Variants in RPS6KA2 observed in about 807,000 individuals in gnomAD.
The protein encoded by RPS6KA2 is ribosomal protein S6 kinase A2.
Under a neutral mutation model 91.8 loss-of-function variants are expected in RPS6KA2, and 42 were observed. The ratio of observed to expected loss-of-function variants is 0.46; its 90% CI spans 0.36 to 0.59. The LOEUF (loss-of-function observed/expected upper bound fraction) is 0.59. Ranked by LOEUF, RPS6KA2 falls within the 20% of genes least tolerant of loss-of-function variation. RPS6KA2 has a pLI of 0.00. For missense variants in RPS6KA2, 798 were observed against 978.5 expected, an observed-to-expected ratio of 0.82 and a Z score of 2.46; for synonymous variants, 414 against 393.6, an observed-to-expected ratio of 1.05 and a Z score of -0.61.
chr6:166,454,518 A>C, intron 12 of RPS6KA2, among the ~76,000 whole-genome samples: 1 of 152,170 alleles, frequency 6.6e-6, no homozygotes, highest in East Asian at 1.9e-4. Context: ...AAACAAAAAA[A>C]CAAGCAAACG....
chr6:166,835,685 T>A (rs1018264207), intron 2 of RPS6KA2, among the ~76,000 whole-genome samples: 1 of 152,262 alleles, frequency 6.6e-6, no homozygotes, highest in African/African-American at 2.4e-5. Flanking sequence ...TAATGTTGTA[T>A]GAAAATAAAT....
chr6:166,665,783 A>G lies in RPS6KA2; in HGVS notation c.124-126999T>C, dbSNP rs1331976563. The stretch of plus-strand genomic sequence containing the variant: ...GTTTTGGGGAGAAACTTGGTTGTTC[A>G]TGTCACGGAGAAGGAAGCCGAGTGA... On this transcript the variant is annotated intron_variant, in intron 2 of 21. Coordinates refer to the RPS6KA2 transcript ENST00000503859. This position sits in a 1 kb window ranked among gnomAD's most constrained non-coding sequence, Gnocchi z 4.5. Among the ~76,000 whole-genome samples, 1 of 152,168 alleles carries G rather than the reference A, an allele frequency of 6.6e-6. No individual in the cohort carries two copies. The highest frequency in any genetic ancestry group is 1.5e-5 in the Non-Finnish European group (1 of 68,030).
Position 166,859,764 on chromosome 6 carries a change from G to C in RPS6KA2, c.64-1505C>G, listed in dbSNP as rs188702074. Among the ~76,000 whole-genome samples the C allele has an allele frequency of 2.0e-5, 3 of 152,318 alleles. No homozygotes were observed. In the East Asian group the frequency reaches 5.8e-4, roughly 29 times the overall value. On this transcript the variant is annotated intron_variant, in intron 1 of 21. Transcript: ENST00000503859. Reference sequence around the variant, plus strand: ...AGAAAACAGGCCAGAAAGGATAGCAGCTTGAAAAGGTGGTTAGAGCAAAAC... The same window carrying C: ...AGAAAACAGGCCAGAAAGGATAGCACCTTGAAAAGGTGGTTAGAGCAAAAC...
At chr6:166,708,691 C>T (rs1003423421) in intron 2 of RPS6KA2, among the ~76,000 whole-genome samples, 5 of 152,206 alleles carry the variant, frequency 3.3e-5, no homozygotes, top group Admixed American at 6.5e-5. Flanking sequence ...GCTAAACAGG[C>T]TTTACCAGTA....
intron 2 of RPS6KA2, among the ~76,000 whole-genome samples, chr6:166,833,842 A>G (rs369543913): frequency 6.6e-6 from 1 of 152,136 alleles, no homozygotes; most frequent in African/African-American, 2.4e-5. Flanking sequence ...AGGCATTTTC[A>G]TGGATGTATG....
intron 19 of RPS6KA2, among the ~76,000 whole-genome samples, chr6:166,416,516 AC>A (rs1778532720): frequency 6.6e-6 from 1 of 151,202 alleles, no homozygotes; most frequent in Non-Finnish European, 1.5e-5. Flanking sequence ...CACCTCTGCC[AC>A]TTTTGCCATC....
intron 1 of RPS6KA2, among the ~76,000 whole-genome samples, chr6:166,610,227 G>A (rs994107963): frequency 6.6e-6 from 1 of 152,200 alleles, no homozygotes; most frequent in African/African-American, 2.4e-5. Flanking sequence ...ATAGCAAGTC[G>A]TAAATGATTC....
intron 1 of RPS6KA2, 53 bp from the exon 2 acceptor site, chr6:166,538,837 C>A: frequency 1.1e-6 from 1 of 913,380 alleles, no homozygotes; most frequent in Non-Finnish European, 1.8e-6. Context: ...CCCTCAGAGC[C>A]GCTCACAGCT....
At chr6:166,647,520 CT>C (rs945215679) in intron 2 of RPS6KA2, among the ~76,000 whole-genome samples, 4 of 152,210 alleles carry the variant, frequency 2.6e-5, no homozygotes, top group Non-Finnish European at 4.4e-5. Context: ...ATTTCCTGTA[CT>C]TTTAAGGATA....
intron 3 of RPS6KA2, among the ~76,000 whole-genome samples, chr6:166,519,432 T>C (rs1413197861): frequency 2.0e-5 from 3 of 152,274 alleles, no homozygotes; most frequent in African/African-American, 4.8e-5. Flanking sequence ...TAAAATTTCA[T>C]TGTCCTTCAA....
In RPS6KA2 at chr6:166,566,262, G is replaced by A. The variant is rs116913657; in HGVS notation, c.100-27478C>T. Reference sequence around the variant, plus strand: ...TACCACATGGGGAAGAGCCTACATCGGTGTCCTTGCCAGAATATGCCAGAA... The same window carrying A: ...TACCACATGGGGAAGAGCCTACATCAGTGTCCTTGCCAGAATATGCCAGAA... On this transcript the variant is annotated intron_variant, in intron 1 of 20. Transcript: ENST00000265678. Among the ~76,000 whole-genome samples, 50 of 152,300 alleles carry A rather than the reference G, an allele frequency of 3.3e-4. No individual in the cohort carries two copies. The East Asian group carries it at 6.6e-3, about 20-fold the overall frequency.
At position 166,563,522 on chromosome 6, in the gene RPS6KA2, C is replaced by T. The variant is rs1190907428; in HGVS notation, c.100-24738G>A. Among the ~76,000 whole-genome samples the T allele has an allele frequency of 6.6e-6, 1 of 151,862 alleles. No individual in the cohort carries two copies. The highest frequency in any genetic ancestry group is 2.4e-5 in the African/African-American group (1 of 41,338). Reference sequence around the variant, plus strand: ...CAGCCTCAGCCTCCTGAGTGCTGTGCCTGCCCCCACTCCATCTGAGCGGCT... The same window carrying T: ...CAGCCTCAGCCTCCTGAGTGCTGTGTCTGCCCCCACTCCATCTGAGCGGCT... On this transcript the variant is annotated intron_variant, in intron 1 of 20. Coordinates refer to ENST00000265678, the MANE Select transcript of RPS6KA2 (RefSeq NM_021135.6). The surrounding 1 kb of genome is among the most constrained non-coding windows in gnomAD (Gnocchi z 4.1).
At chr6:166,478,801 G>A (rs547343109) in intron 10 of RPS6KA2, among the ~76,000 whole-genome samples, 3 of 152,254 alleles carry the variant, frequency 2.0e-5, no homozygotes, top group South Asian at 4.1e-4. Flanking sequence ...GTGTTTACTC[G>A]TCAGACCCAT....
chr6:166,429,171 T>C (rs1319038216), intron 16 of RPS6KA2, among the ~76,000 whole-genome samples: 1 of 151,136 alleles, frequency 6.6e-6, no homozygotes, highest in Non-Finnish European at 1.5e-5. Context: ...TCATTCTCAG[T>C]AAACCGTCGC....
rs542037039 is a variant in RPS6KA2, at chr6:166,825,254, A to C, written c.123+32946T>G. On this transcript the variant is annotated intron_variant, in intron 2 of 21. Coordinates refer to the RPS6KA2 transcript ENST00000503859. This position sits in a 1 kb window ranked among gnomAD's most constrained non-coding sequence, Gnocchi z 4.1. ...GGGAGTGATCCCATGAGTCCCGAGA[A>C]TAAAAGGCAGGGCTGATGGTGCCGT... 7.9e-5 allele frequency among the ~76,000 whole-genome samples: 12 copies of C among 152,366 alleles called. No individual in the cohort carries two copies. The highest frequency in any genetic ancestry group is 2.9e-4 in the African/African-American group (12 of 41,588).
At chr6:166,627,269 G>A, upstream of RPS6KA2, 1 of 1,001,554 alleles carries the variant, frequency 1.0e-6, no homozygotes, top group Non-Finnish European at 1.2e-6. Context: ...CCGGCCACGC[G>A]CCACGCCTAC....
At chr6:166,417,165 C>G (rs1052396386) in intron 19 of RPS6KA2, among the ~76,000 whole-genome samples, 1 of 152,150 alleles carries the variant, frequency 6.6e-6, no homozygotes, top group Non-Finnish European at 1.5e-5. Flanking sequence ...CAGACAAGGC[C>G]AAATTCAAAG....
chr6:166,488,080 G>A (rs1265723527), intron 10 of RPS6KA2, among the ~76,000 whole-genome samples: 1 of 143,400 alleles, frequency 7.0e-6, no homozygotes, highest in East Asian at 2.4e-4. Flanking sequence ...TATCTATGAG[G>A]TTAGAGTTTA....
intron 2 of RPS6KA2, among the ~76,000 whole-genome samples, chr6:166,716,020 A>G (rs1025530043): frequency 3.0e-5 from 4 of 131,794 alleles, no homozygotes; most frequent in Non-Finnish European, 6.2e-5. Flanking sequence ...CCTGGCTGAC[A>G]GAGTGAGACT....
Sources: allele counts gnomAD v4.1 joint callset (sites outside exome capture counted in the v4.1 genomes callset), GRCh38; gene constraint gnomAD v4.1.1; non-coding constraint Gnocchi (gnomAD v3.1); transcripts MANE v1.5; gene names NCBI Gene and HGNC (gene_info 2026-07-23, HGNC 2026-07-21).